NCF4: variants seen among roughly 807,000 people sequenced by gnomAD.
The protein encoded by NCF4 is neutrophil cytosol factor 4.
A neutral mutation model predicts 41.7 loss-of-function variants in NCF4; 30 were observed. The ratio of observed to expected loss-of-function variants is 0.72; its 90% CI spans 0.54 to 0.97. NCF4 has a LOEUF of 0.97. NCF4 is among the 50% of genes least tolerant of loss of function. NCF4 has a pLI of 0.00. For synonymous variants in NCF4, 195 were observed against 175.8 expected, an observed-to-expected ratio of 1.11 and a Z score of -0.87; for missense variants, 432 against 460.9, an observed-to-expected ratio of 0.94 and a Z score of 0.57.
intron 2 of NCF4, 152 bp downstream of exon 2, chr22:36,864,281 A>G: frequency 1.3e-6 from 1 of 752,828 alleles, no homozygotes; most frequent in East Asian, 2.6e-5. Flanking sequence ...TGCCCATTTG[A>G]CATTACCCTG....
chr22:36,861,549 C>A (rs1338387207), intron 1 of NCF4, among the ~76,000 whole-genome samples: 3 of 152,202 alleles, frequency 2.0e-5, no homozygotes, highest in Admixed American at 2.0e-4. Context: ...TTTCCATCTT[C>A]TGCGCAAACA....
intron 9 of NCF4, among the ~76,000 whole-genome samples, chr22:36,876,987 T>C (rs1401615238): frequency 6.6e-6 from 1 of 151,122 alleles, no homozygotes; most frequent in Admixed American, 6.6e-5. Flanking sequence ...TTCTCCTCAA[T>C]AGCCTCACAC....
At position 36,876,019 on chromosome 22, in the gene NCF4, AC is replaced by A. The variant is rs1569116931; in HGVS notation, c.759-5del. On this transcript the variant is annotated splice_polypyrimidine_tract_variant and intron_variant, in intron 8 of 9. Coordinates refer to ENST00000248899, the MANE Select transcript of NCF4 (RefSeq NM_000631.5). The stretch of plus-strand genomic sequence containing the variant: ...TGATGCCTCCTTACTCCAGCCTGTC[AC>A]CCCCTTAGGGACATCGCGGTGGAGG... 6.2e-7 allele frequency: 1 copy of A among 1,612,812 alleles called. No homozygotes were observed. The highest frequency in any genetic ancestry group is 1.1e-5 in the South Asian group (1 of 90,970).
chr22:36,872,931 T>C (rs1342258198), intron 7 of NCF4, among the ~76,000 whole-genome samples: 3 of 141,610 alleles, frequency 2.1e-5, no homozygotes, highest in African/African-American at 8.2e-5. Context: ...AGACTGGAGG[T>C]GAGGATGGAG....
intron 6 of NCF4, among the ~76,000 whole-genome samples, chr22:36,871,950 C>T (rs1485413662): frequency 6.6e-6 from 1 of 152,268 alleles, no homozygotes; most frequent in Admixed American, 6.5e-5. Flanking sequence ...TCCCTACGCT[C>T]ATCCGGACAG....
At chr22:36,863,848 T>C (rs1039632866) in intron 1 of NCF4, among the ~76,000 whole-genome samples, 197 bp from the exon 2 acceptor site, 1 of 151,940 alleles carries the variant, frequency 6.6e-6, no homozygotes, top group Non-Finnish European at 1.5e-5. Flanking sequence ...TTCCCATTCC[T>C]GCACTCAAGG....
Position 36,867,142 on chromosome 22 carries a change from T to TGTGC in NCF4, c.272-249_272-248insTGCG, listed in dbSNP as rs10671614. Among the ~76,000 whole-genome samples, 176 of 150,664 alleles carry TGTGC rather than the reference T, an allele frequency of 1.2e-3. 1 individual carries two copies. The highest frequency in any genetic ancestry group is 2.3e-3 in the African/African-American group (94 of 40,610). On this transcript the variant is annotated intron_variant, in intron 3 of 9. Transcript: ENST00000248899. ...GTGTGTGTGTGTGTGTGTGTGTGTGTGCGCTTGGATGAACAGGCAGTAAAT... is the reference window on the plus strand; with the variant it reads ...GTGTGTGTGTGTGTGTGTGTGTGTGTGTGCGCGCTTGGATGAACAGGCAGTAAAT...
chr22:36,872,748 G>A (rs997492939), intron 7 of NCF4, among the ~76,000 whole-genome samples: 2 of 150,696 alleles, frequency 1.3e-5, no homozygotes, highest in African/African-American at 4.9e-5. Context: ...TGAGATTGGA[G>A]GTGAGGATGG....
At chr22:36,876,183 G>C (rs985320327) in intron 9 of NCF4, 89 bp downstream of exon 9, 8 of 1,286,122 alleles carry the variant, frequency 6.2e-6, no homozygotes, top group Non-Finnish European at 7.4e-6. Flanking sequence ...TAAGGTGCTG[G>C]GGTTTTGCGT....
chr22:36,863,944 C>T, intron 1 of NCF4, 101 bp from the exon 2 acceptor site: 1 of 1,118,618 alleles, frequency 8.9e-7, no homozygotes, highest in East Asian at 2.3e-5. Flanking sequence ...CGAATGTTGG[C>T]TTCACAACAT....
intron 2 of NCF4, 137 bp downstream of exon 2, chr22:36,864,266 G>A: frequency 1.3e-5 from 11 of 819,548 alleles, no homozygotes; most frequent in Middle Eastern, 4.4e-4. Flanking sequence ...CAACAGGACC[G>A]ATTTTGCCCA....
rs752127204 is a variant in NCF4 at position 36,870,435 on chromosome 22, C to T, written c.363C>T (p.Val121=). 17 of 1,613,922 alleles carry T rather than the reference C, an allele frequency of 1.1e-5. No individual in the cohort carries two copies. The Admixed American group carries it at 2.2e-4, about 21-fold the overall frequency. The change falls in exon 5 of 10, where the codon GTC becomes GTT. Residue 121 remains valine (V), a synonymous_variant. Transcript: ENST00000248899. ...CACAGAGCCTGCTCAGCCTGCCGGTCTGGGTGCTGATGGATGAGGACGTCC... is the reference window on the plus strand; with the variant it reads ...CACAGAGCCTGCTCAGCCTGCCGGTTTGGGTGCTGATGGATGAGGACGTCC... ...AYMKSLLSLP[V]WVLMDEDVRI...
intron 7 of NCF4, among the ~76,000 whole-genome samples, chr22:36,875,200 G>A (rs1940165887): frequency 6.6e-6 from 1 of 151,864 alleles, no homozygotes; most frequent in Admixed American, 6.6e-5. Flanking sequence ...TGGCTAATTT[G>A]TATATGTTTA....
At chr22:36,867,977 C>T (rs1045094836) in intron 4 of NCF4, among the ~76,000 whole-genome samples, 5 of 152,230 alleles carry the variant, frequency 3.3e-5, no homozygotes, top group Admixed American at 2.0e-4. Context: ...TGGATTTTAG[C>T]TACACTCATG....
chr22:36,874,527 A>C (rs982787469), intron 7 of NCF4, among the ~76,000 whole-genome samples: 9 of 152,200 alleles, frequency 5.9e-5, no homozygotes, highest in Admixed American at 2.0e-4. Context: ...CAGAGGCCTG[A>C]GGAGTATCTC....
chr22:36,876,179 G>T, intron 9 of NCF4, 85 bp downstream of exon 9: 1 of 1,340,838 alleles, frequency 7.5e-7, no homozygotes, highest in Non-Finnish European at 1.0e-6. Flanking sequence ...GTATTAAGGT[G>T]CTGGGGTTTT....
At chr22:36,872,184 GGGGT>G in intron 6 of NCF4, 139 bp from the exon 7 acceptor site, 1 of 756,246 alleles carries the variant, frequency 1.3e-6, no homozygotes. Flanking sequence ...ACTAAAAAAT[GGGGT>G]GGCCTCAGAG....
intron 7 of NCF4, among the ~76,000 whole-genome samples, chr22:36,873,055 ATTGGAGGTAAGG>A (rs1370443897): frequency 2.2e-5 from 2 of 91,012 alleles, no homozygotes; most frequent in Non-Finnish European, 4.4e-5. Flanking sequence ...TGGAGGTGAG[ATTGGAGGTAAGG>A]TTGGAGGTGA....
At chr22:36,874,370 AG>A (rs1220228831) in intron 7 of NCF4, among the ~76,000 whole-genome samples, 1 of 152,214 alleles carries the variant, frequency 6.6e-6, no homozygotes, top group African/African-American at 2.4e-5. Context: ...GTCAGCCCCC[AG>A]GGGTCCCAGG....
Sources: gnomAD v4.1 joint callset for allele counts (sites outside exome capture counted in the v4.1 genomes callset) on GRCh38, gnomAD v4.1.1 for gene constraint, MANE v1.5 for transcripts, NCBI Gene and HGNC (gene_info 2026-07-23, HGNC 2026-07-21) for gene names.